The following SACM1L variants were observed in gnomAD, a reference collection of about 807,000 sequenced individuals.
The protein encoded by SACM1L is SAC1 like phosphatidylinositide phosphatase.
SACM1L carries 32 observed loss-of-function variants against 89.5 expected under a neutral mutation model. That is an observed-to-expected ratio of 0.36 (90% confidence interval 0.27 to 0.48). The LOEUF is 0.48. Among genes scored for constraint, SACM1L ranks in the 20% least tolerant of loss-of-function variants. SACM1L has a pLI of 0.99. For missense variants in SACM1L, 543 were observed against 708.5 expected (o/e 0.77, Z 2.65); for synonymous variants, 213 against 232.8 (o/e 0.92, Z 0.77).
chr3:45,730,528 G>A (rs1699026523), intron 11 of SACM1L: 1 of 152,218 alleles, frequency 6.6e-6, no homozygotes, highest in South Asian at 2.1e-4. Flanking sequence ...GAACAACCCT[G>A]TCCCCCATTC....
intron 1 of SACM1L, among the ~76,000 whole-genome samples, chr3:45,700,647 CT>C (rs1698243903): frequency 6.6e-6 from 1 of 152,102 alleles, no homozygotes; most frequent in South Asian, 2.1e-4. Flanking sequence ...AGTTCTATCT[CT>C]TTTTATTTTA....
chr3:45,700,573 T>C (rs1698242039), intron 1 of SACM1L, among the ~76,000 whole-genome samples: 1 of 152,218 alleles, frequency 6.6e-6, no homozygotes, highest in African/African-American at 2.4e-5. Context: ...ATTTTAATAA[T>C]GCCTGGAGTC....
chr3:45,709,177 C>G (rs1002742365), intron 4 of SACM1L, among the ~76,000 whole-genome samples: 3 of 152,210 alleles, frequency 2.0e-5, no homozygotes, highest in Non-Finnish European at 4.4e-5. Flanking sequence ...ACCTGGCACA[C>G]AGTAGGTCAT....
chr3:45,696,105 C>T (rs1479741294), intron 1 of SACM1L, among the ~76,000 whole-genome samples: 2 of 150,446 alleles, frequency 1.3e-5, no homozygotes, highest in Non-Finnish European at 2.9e-5. Context: ...TCAAGCAATT[C>T]TCCTGCCTTA....
chr3:45,726,869 C>CTTTTTTT (rs1158423503), intron 11 of SACM1L, among the ~76,000 whole-genome samples: 3 of 52,344 alleles, frequency 5.7e-5, no homozygotes, highest in African/African-American at 2.8e-4. Flanking sequence ...TGCTTTATTT[C>CTTTTTTT]TTTTTTTTTT....
At chr3:45,720,580 C>CTTTT (rs938680902) in intron 8 of SACM1L, among the ~76,000 whole-genome samples, 1 of 151,970 alleles carries the variant, frequency 6.6e-6, no homozygotes, top group African/African-American at 2.4e-5. Context: ...ACCTTGTTTC[C>CTTTT]TTTTTTTCCT....
intron 1 of SACM1L, among the ~76,000 whole-genome samples, chr3:45,694,168 TTTC>T (rs1332560462): frequency 6.6e-6 from 1 of 152,198 alleles, no homozygotes; most frequent in Non-Finnish European, 1.5e-5. Context: ...TAAAGCATTT[TTTC>T]TTCTTTTTTT....
rs1382928963 is a variant in SACM1L, at chr3:45,737,809, T to C, written c.1347T>C (p.Tyr449=). Residue 449 remains tyrosine (Y), a synonymous_variant, in exon 16 of 20, where the codon TAT becomes TAC. Coordinates refer to ENST00000389061, the MANE Select transcript of SACM1L (RefSeq NM_014016.5). ...ADNANACAKQ[Y]AGTGALKTDF... is the part of the protein sequence containing the mutation. ...ACGCAAATGCTTGTGCCAAGCAATA[T>C]GCGGGAACTGGTGCCTTGAAGACTG... 3 of 1,614,186 alleles carry C rather than the reference T, an allele frequency of 1.9e-6. No individual in the cohort carries two copies. The highest frequency in any genetic ancestry group is 4.5e-5 in the East Asian group (2 of 44,892).
At chr3:45,710,574 T>G (rs1424224927) in intron 5 of SACM1L, among the ~76,000 whole-genome samples, 1 of 151,768 alleles carries the variant, frequency 6.6e-6, no homozygotes, top group African/African-American at 2.4e-5. Flanking sequence ...AACTTAAAGT[T>G]TCTTTTGTTC....
intron 9 of SACM1L, among the ~76,000 whole-genome samples, chr3:45,722,320 C>T (rs186453719): frequency 1.8e-4 from 28 of 151,922 alleles, no homozygotes; most frequent in African/African-American, 6.3e-4. Flanking sequence ...CTAGGAGGTG[C>T]GAAGAGAGTT....
chr3:45,738,064 T>C (rs1699241718), intron 16 of SACM1L, among the ~76,000 whole-genome samples: 1 of 152,162 alleles, frequency 6.6e-6, no homozygotes. Flanking sequence ...TGGGGAGGGT[T>C]GAGAGCCACC....
chr3:45,689,656 C>G, intron 1 of SACM1L, 159 bp downstream of exon 1: 1 of 845,472 alleles, frequency 1.2e-6, no homozygotes, highest in Non-Finnish European at 1.9e-6. Context: ...TCCTAGGCCT[C>G]GCCCGAGTAG....
rs890534679 is a variant in SACM1L at position 45,743,590 on chromosome 3, G to C, written c.1685G>C (p.Gly562Ala). Residue 562 changes from glycine (G) to alanine (A), a missense_variant, in exon 20 of 20, where the codon GGA becomes GCA. Transcript: ENST00000389061. ...CTCTTCTGGGGAGTTGCAAGCATTG[G>C]AACATTTTTTATCATTCTTTACAAT... ...YVLFWGVASI[G>A]TFFIILYNGK... 3.7e-6 allele frequency: 6 copies of C among 1,614,036 alleles called. No homozygotes were observed. Among genetic ancestry groups the C allele is most frequent in the Non-Finnish European group, 5.1e-6 (6 of 1,179,998 alleles).
rs1239594946 is a variant in SACM1L at position 45,732,094 on chromosome 3, G to C, written c.1043G>C (p.Arg348Thr). ...FDFHKECKNM[R>T]WDRLSILLDQ... ...TTCCATAAGGAATGTAAAAATATGA[G>C]ATGGGATCGACTAAGTATTTTATTG... Residue 348 changes from arginine to threonine, a missense_variant, in exon 13 of 20, where the codon AGA (arginine) becomes ACA (threonine). Arg to Thr is a moderately conservative substitution (Grantham distance 71). Around this residue, in one of 2 missense-constraint regions of SACM1L, gnomAD observed 370 missense variants for 527.6 expected, o/e 0.70. Transcript: ENST00000389061. 1 of 1,605,368 alleles carries C rather than the reference G, an allele frequency of 6.2e-7. No individual in the cohort carries two copies. Among genetic ancestry groups the C allele is most frequent in the South Asian group, 1.1e-5 (1 of 89,286 alleles).
At chr3:45,694,704 T>C (rs193009309) in intron 1 of SACM1L, among the ~76,000 whole-genome samples, 67 of 152,338 alleles carry the variant, frequency 4.4e-4, no homozygotes, top group African/African-American at 1.5e-3. Flanking sequence ...TCTGCAAGTT[T>C]AACTAGCTAT....
At chr3:45,721,016 G>A (rs554948155) in intron 8 of SACM1L, among the ~76,000 whole-genome samples, 13 of 152,268 alleles carry the variant, frequency 8.5e-5, no homozygotes, top group South Asian at 6.2e-4. Context: ...AATAGATTAC[G>A]TAAACAAATT....
intron 1 of SACM1L, among the ~76,000 whole-genome samples, chr3:45,701,726 G>A (rs1031101119): frequency 6.6e-6 from 1 of 152,082 alleles, no homozygotes; most frequent in African/African-American, 2.4e-5. Context: ...AATATTGAAC[G>A]TATCCGTCAC....
intron 11 of SACM1L, chr3:45,730,611 CT>C (rs1699029389): frequency 6.6e-6 from 1 of 152,264 alleles, no homozygotes; most frequent in African/African-American, 2.4e-5. Flanking sequence ...AGGGATCAGT[CT>C]GTGGTAAAGG....
chr3:45,736,001 G>A (rs1307505713), intron 14 of SACM1L, among the ~76,000 whole-genome samples: 1 of 152,092 alleles, frequency 6.6e-6, no homozygotes, highest in Non-Finnish European at 1.5e-5. Flanking sequence ...CACAAAGCTG[G>A]GGCTACAGGC....
Sources: allele counts gnomAD v4.1 joint callset (sites outside exome capture counted in the v4.1 genomes callset), GRCh38; gene constraint gnomAD v4.1.1; regional missense constraint gnomAD v4.1.1; transcripts MANE v1.5; gene names NCBI Gene and HGNC (gene_info 2026-07-23, HGNC 2026-07-21).